CACNG5: variants seen among roughly 807,000 people sequenced by gnomAD.
CACNG5 encodes voltage-dependent calcium channel gamma-5 subunit.
CACNG5 carries 18 observed loss-of-function variants against 24.8 expected under a neutral mutation model. That is an observed-to-expected ratio of 0.73 (90% CI 0.50 to 1.08). CACNG5 has a LOEUF of 1.08. CACNG5 is among the 50% of genes least tolerant of loss of function. The pLI, the probability that CACNG5 is intolerant of heterozygous loss-of-function variation, is 0.00. For missense variants in CACNG5, 349 were observed against 367.9 expected (o/e 0.95, Z 0.42); for synonymous variants, 157 against 149.1 (o/e 1.05, Z -0.39).
chr17:66,852,772 G>A (rs1167489456), intron 1 of CACNG5, among the ~76,000 whole-genome samples: 1 of 152,030 alleles, frequency 6.6e-6, no homozygotes, highest in African/African-American at 2.4e-5. Context: ...TTCATATAAA[G>A]GAAATCATAC....
Position 66,888,566 on chromosome 17 carries a change from A to G in CACNG5, c.*3326A>G, listed in dbSNP as rs1977296547. Among the ~76,000 whole-genome samples the G allele has an allele frequency of 2.8e-5, 4 of 145,378 alleles. No homozygotes were observed. The South Asian group carries it at 6.5e-4, about 24-fold the overall frequency. ...CTCAAAAAAAAAAAAAAAAAAAAAA[A>G]GAGTTAAAGAAAGAGGAAAGAACCA... On this transcript the variant is annotated 3_prime_UTR_variant, in exon 6 of 6. Transcript: ENST00000533854.
In CACNG5 at chr17:66,888,763, T is replaced by A. The variant is rs1977300619; in HGVS notation, c.*3523T>A. On this transcript the variant is annotated 3_prime_UTR_variant, in exon 6 of 6. Transcript: ENST00000533854. ...AGAAGTTTATGGCAGGGTTGGAAAG[T>A]CTCTGGTCAGAGAAGAGGTTATCTT... Among the ~76,000 whole-genome samples the A allele has an allele frequency of 6.6e-6, 1 of 151,928 alleles. No individual in the cohort carries two copies. The highest frequency in any genetic ancestry group is 1.5e-5 in the Non-Finnish European group (1 of 67,992).
intron 1 of CACNG5, among the ~76,000 whole-genome samples, chr17:66,875,134 C>T (rs1279342486): frequency 3.3e-5 from 5 of 152,092 alleles, no homozygotes; most frequent in South Asian, 2.1e-4. Context: ...TTTTCCAGCT[C>T]GCAAACTCTG....
intron 1 of CACNG5, among the ~76,000 whole-genome samples, chr17:66,872,849 G>A (rs920214634): frequency 1.3e-5 from 2 of 152,150 alleles, no homozygotes; most frequent in Non-Finnish European, 2.9e-5. Flanking sequence ...CAAACGAGAA[G>A]CCTTTATGTG....
At chr17:66,864,925 T>G (rs911884527) in intron 1 of CACNG5, among the ~76,000 whole-genome samples, 24 of 152,296 alleles carry the variant, frequency 1.6e-4, no homozygotes, top group Non-Finnish European at 3.2e-4. Context: ...TCTTGTTTTA[T>G]GTTCATCAAT....
At chr17:66,859,513 G>T (rs1338902556) in intron 1 of CACNG5, among the ~76,000 whole-genome samples, 1 of 152,158 alleles carries the variant, frequency 6.6e-6, no homozygotes, top group African/African-American at 2.4e-5. Flanking sequence ...TAACCTGGCA[G>T]GGCCTTATTT....
rs200209024 is a variant in CACNG5, at chr17:66,884,989, G to A, written c.577G>A (p.Gly193Arg). 4.3e-6 allele frequency: 7 copies of A among 1,614,052 alleles called. No individual in the cohort carries two copies. Among genetic ancestry groups the A allele is most frequent in the African/African-American group, 1.3e-5 (1 of 75,004 alleles). ...TGCTGTCTTCTCCCTGTAGAGTGCC[G>A]GGGTGATGTCTGTGTACCTGTTTAT... ...AISFLLTESA[G>R]VMSVYLFMKR... The change falls in exon 6 of 6, where the codon GGG becomes AGG. Residue 193 changes from glycine (G) to arginine (R), a missense_variant. Coordinates refer to ENST00000533854, the MANE Select transcript of CACNG5 (RefSeq NM_145811.3).
chr17:66,843,640 G>A (rs1366754699), intron 1 of CACNG5, among the ~76,000 whole-genome samples: 2 of 152,150 alleles, frequency 1.3e-5, no homozygotes, highest in African/African-American at 2.4e-5. Context: ...ATTGGAGCAA[G>A]GATGCTGCAG....
rs1487860159 is a variant in CACNG5 at position 66,877,232 on chromosome 17, C to T, written c.-101C>T. 3.2e-6 allele frequency: 3 copies of T among 942,480 alleles called. No individual in the cohort carries two copies. The highest frequency in any genetic ancestry group is 2.5e-5 in the East Asian group (1 of 40,368). The allele number at this position is 942,480 out of a possible 1,614,324, so 58.4% of individuals were successfully genotyped here. On this transcript the variant is annotated splice_region_variant and 5_prime_UTR_variant, in exon 2 of 6. Coordinates refer to ENST00000533854, the MANE Select transcript of CACNG5 (RefSeq NM_145811.3). ...GCTCCTCATCTTCGTCTTCTCAGAGCCGTGGGTACTGCCACCTGCTCACCC... is the reference window on the plus strand; with the variant it reads ...GCTCCTCATCTTCGTCTTCTCAGAGTCGTGGGTACTGCCACCTGCTCACCC...
chr17:66,878,244 A>G (rs540321212), intron 2 of CACNG5, among the ~76,000 whole-genome samples: 1 of 152,356 alleles, frequency 6.6e-6, no homozygotes, highest in South Asian at 2.1e-4. Flanking sequence ...CAAGTCATAC[A>G]AGAATAGCTG....
At chr17:66,883,248 G>T (rs1277844728) in intron 4 of CACNG5, among the ~76,000 whole-genome samples, 1 of 152,170 alleles carries the variant, frequency 6.6e-6, no homozygotes, top group African/African-American at 2.4e-5. Context: ...GATAGCCAAA[G>T]CTATAAACAG....
At position 66,884,877 on chromosome 17, in the gene CACNG5, C is replaced by G. The variant is rs762294385; in HGVS notation, c.571-106C>G. ...CCCCAGGACCCTGCTCCTGTCCCCA[C>G]GTCCACTTCCCACCCCACTCGAGCT... On this transcript the variant is annotated intron_variant, in intron 5 of 5. Transcript: ENST00000533854. The G allele has an allele frequency of 4.3e-6, 7 of 1,613,516 alleles. No homozygotes were observed. The African/African-American group carries it at 8.0e-5, about 18-fold the overall frequency.
Position 66,889,488 on chromosome 17 carries a change from G to A in CACNG5, c.*4248G>A, listed in dbSNP as rs1364389383. ...CTCTCCCTTCTCCCTAGATACAGGT[G>A]GTCTATCAGGGTTCTCCAGAAAAAC... On this transcript the variant is annotated 3_prime_UTR_variant, in exon 6 of 6. Transcript: ENST00000533854. 6.6e-6 allele frequency among the ~76,000 whole-genome samples: 1 copy of A among 152,140 alleles called. No homozygotes were observed.
chr17:66,840,879 TTGATCCC>T (rs1238717492), intron 1 of CACNG5, among the ~76,000 whole-genome samples: 1 of 152,204 alleles, frequency 6.6e-6, no homozygotes, highest in African/African-American at 2.4e-5. Context: ...TTTGCCCTGT[TTGATCCC>T]TGAGTAAGTG....
chr17:66,877,264 C>A lies in CACNG5; in HGVS notation c.-69C>A. On this transcript the variant is annotated 5_prime_UTR_variant, in exon 2 of 6. Transcript: ENST00000533854. ...TACTGCCACCTGCTCACCCACTCTC[C>A]CTAGCCCCAGAGCGCAGTCCGTGCT... is the stretch of plus-strand genomic sequence containing the variant. 3 of 1,395,930 alleles carry A rather than the reference C, an allele frequency of 2.1e-6. No individual in the cohort carries two copies. The highest frequency in any genetic ancestry group is 3.0e-6 in the Non-Finnish European group (3 of 1,002,906). 86.5% of individuals were successfully genotyped at this position (1,395,930 alleles called of 1,614,324 possible).
At chr17:66,869,351 T>TG (rs1976971099) in intron 1 of CACNG5, among the ~76,000 whole-genome samples, 1 of 152,228 alleles carries the variant, frequency 6.6e-6, no homozygotes, top group Non-Finnish European at 1.5e-5. Flanking sequence ...CTCAAAGTTC[T>TG]GGGATTACAG....
intron 2 of CACNG5, 69 bp from the exon 3 acceptor site, chr17:66,878,903 C>A: frequency 7.8e-7 from 1 of 1,282,482 alleles, no homozygotes; most frequent in Non-Finnish European, 1.1e-6. Flanking sequence ...CTTGGAAATA[C>A]CATTTGTATG....
At chr17:66,865,690 C>T (rs1009876917) in intron 1 of CACNG5, among the ~76,000 whole-genome samples, 3 of 150,128 alleles carry the variant, frequency 2.0e-5, no homozygotes, top group Admixed American at 6.7e-5. Flanking sequence ...AGTGTAGTGG[C>T]GCGATCTCAG....
rs747125837 is a variant in CACNG5 at position 66,877,495 on chromosome 17, C to A, written c.163C>A (p.His55Asn). 50 of 1,613,874 alleles carry A rather than the reference C, an allele frequency of 3.1e-5. No individual in the cohort carries two copies. The highest frequency in any genetic ancestry group is 6.6e-5 in the South Asian group (6 of 91,078). ...GAGCACCGAGATCAAGATGTCCCTG[C>A]ACTCAGGCCTCTGGCGGGTCTGCTT... ...NQSTEIKMSL[H>N]SGLWRVCFLA... The change falls in exon 2 of 6, where the codon CAC (histidine) becomes AAC (asparagine). Residue 55 changes from histidine (H) to asparagine (N), a missense_variant. By Grantham distance (68) the His-to-Asn change is moderately conservative. Coordinates refer to ENST00000533854, the MANE Select transcript of CACNG5 (RefSeq NM_145811.3).
Sources: allele counts gnomAD v4.1 joint callset (sites outside exome capture counted in the v4.1 genomes callset), GRCh38; gene constraint gnomAD v4.1.1; transcripts MANE v1.5; gene names NCBI Gene and HGNC (gene_info 2026-07-23, HGNC 2026-07-21).